The following ZNF711 variants were observed in gnomAD, a reference collection of about 807,000 sequenced individuals.
ZNF711 encodes zinc finger protein 711.
ZNF711 carries 3 observed loss-of-function variants against 43.5 expected under a neutral mutation model. The ratio of observed to expected loss-of-function variants is 0.07; its 90% confidence interval spans 0.03 to 0.18. The LOEUF is 0.18. Ranked by LOEUF, ZNF711 falls within the 10% of genes least tolerant of loss-of-function variation. The pLI, the probability that ZNF711 is intolerant of heterozygous loss-of-function variation, is 1.00. For missense variants in ZNF711, 412 were observed against 604.0 expected (o/e 0.68, Z 3.33); for synonymous variants, 209 against 207.7 (o/e 1.01, Z -0.06).
intron 6 of ZNF711, among the ~76,000 whole-genome samples, chrX:85,264,825 C>G (rs1195479686): frequency 1.8e-5 from 2 of 110,170 alleles, no homozygotes; most frequent in African/African-American, 3.3e-5. Flanking sequence ...CCATAAAATT[C>G]TCATAATAAT....
intron 5 of ZNF711, among the ~76,000 whole-genome samples, chrX:85,260,401 G>A (rs1930530721): frequency 9.0e-6 from 1 of 110,517 alleles, no homozygotes; most frequent in Admixed American, 9.6e-5. Context: ...CTAATTTCAG[G>A]GGTAAAAAAA....
At position 85,268,236 on chromosome X, in the gene ZNF711, CATT is replaced by C. The variant is rs758251661; in HGVS notation, c.1055-55_1055-53del. 71 of 1,067,032 alleles carry C rather than the reference CATT, an allele frequency of 6.7e-5. 1 individual carries two copies. The Middle Eastern group carries it at 9.7e-4, about 15-fold the overall frequency. 87.9% of individuals were successfully genotyped at this position (1,067,032 alleles called of 1,213,427 possible). ...GATTAAGATGTGATCCACTAGTAGT[CATT>C]ATAATTAGCATATCAGTTTGTAATT... On this transcript the variant is annotated intron_variant, in intron 8 of 10. Transcript: ENST00000674551.
chrX:85,254,870 A>G (rs1454219771), intron 4 of ZNF711, among the ~76,000 whole-genome samples: 2 of 110,443 alleles, frequency 1.8e-5, no homozygotes, highest in Non-Finnish European at 3.8e-5. Flanking sequence ...GGCTGCTACT[A>G]TTTTACGTTT....
At chrX:85,257,354 G>C (rs183332926) in intron 5 of ZNF711, among the ~76,000 whole-genome samples, 100 of 110,833 alleles carry the variant, frequency 9.0e-4, no homozygotes, top group Non-Finnish European at 1.6e-3. Context: ...CCCAATGTCT[G>C]TTGTTGCCAT....
chrX:85,254,657 C>CCGGGCGCAGTGG (rs1247275866), intron 4 of ZNF711, among the ~76,000 whole-genome samples: 1 of 56,648 alleles, frequency 1.8e-5, no homozygotes, highest in Non-Finnish European at 3.4e-5. Flanking sequence ...AAAAAATTAG[C>CCGGGCGCAGTGG]CGGGCGCAGT....
chrX:85,268,464 C>G, intron 9 of ZNF711, 123 bp downstream of exon 9: 1 of 772,910 alleles, frequency 1.3e-6, no homozygotes, highest in African/African-American at 2.1e-5. Context: ...CTTAGTCATA[C>G]CTAATCTAGT....
chrX:85,264,168 C>T (rs928306170), intron 5 of ZNF711, 107 bp from the exon 6 acceptor site: 21 of 599,830 alleles, frequency 3.5e-5, no homozygotes, highest in South Asian at 2.6e-4. Context: ...CATTATTTCA[C>T]GTTACACTTC....
rs945429235 is a variant in ZNF711 at position 85,255,179 on chromosome X, A to G, written c.80-80A>G. 4.6e-5 allele frequency: 41 copies of G among 894,985 alleles called. No individual in the cohort carries two copies. In the African/African-American group the frequency reaches 6.0e-4, roughly 13 times the overall value. 73.8% of individuals were successfully genotyped at this position (894,985 alleles called of 1,213,427 possible). ...ATTACTTAATATTTAAGAAATATTT[A>G]TAGCATTTGATTTATTAAATACAGT... On this transcript the variant is annotated intron_variant, in intron 4 of 10. Transcript: ENST00000674551.
Position 85,255,420 on chromosome X carries a change from G to A in ZNF711, c.241G>A (p.Asp81Asn). 1 of 1,211,858 alleles carries A rather than the reference G, an allele frequency of 8.3e-7. No homozygotes were observed. Among genetic ancestry groups the A allele is most frequent in the Non-Finnish European group, 1.1e-6 (1 of 895,585 alleles). ...VHGPDIITET[D>N]VVTEGVIVPE... The stretch of plus-strand genomic sequence containing the variant: ...TGGACCTGATATCATCACAGAGACT[G>A]ATGTAGTAACAGAAGGTGTGATTGT... Residue 81 changes from aspartate (D) to asparagine (N), a missense_variant, in exon 5 of 11, where the codon GAT becomes AAT. By Grantham distance (23) the Asp-to-Asn change is conservative. Around this residue, in one of 4 missense-constraint regions of ZNF711, gnomAD observed 375 missense variants for 514.2 expected, o/e 0.73. Transcript: ENST00000674551.
At chrX:85,267,257 G>C in intron 7 of ZNF711, 21 bp from the exon 8 acceptor site, 1 of 1,093,174 alleles carries the variant, frequency 9.1e-7, no homozygotes, top group Non-Finnish European at 1.2e-6. Flanking sequence ...TTATAAACAA[G>C]CAATTATTTC....
intron 7 of ZNF711, among the ~76,000 whole-genome samples, 183 bp downstream of exon 7, chrX:85,265,438 T>C (rs185718927): frequency 9.0e-6 from 1 of 111,321 alleles, no homozygotes; most frequent in Admixed American, 9.6e-5. Context: ...GTACATGTAT[T>C]GTTCAAATCA....
intron 5 of ZNF711, among the ~76,000 whole-genome samples, chrX:85,256,190 C>G (rs1366513544): frequency 9.1e-6 from 1 of 109,395 alleles, no homozygotes; most frequent in Non-Finnish European, 1.9e-5. Flanking sequence ...TTCTTAGGAA[C>G]TTAAGCAGAA....
At chrX:85,258,683 A>G (rs1359913209) in intron 5 of ZNF711, among the ~76,000 whole-genome samples, 2 of 110,056 alleles carry the variant, frequency 1.8e-5, no homozygotes, top group Admixed American at 9.7e-5. Context: ...TTTTTTTCCT[A>G]TGTTTGTTGA....
chrX:85,264,252 ATAAT>A lies in ZNF711; in HGVS notation c.623-21_623-18del. On this transcript the variant is annotated intron_variant, in intron 5 of 10. Transcript: ENST00000674551. ...TTGTCAATGGTATTTTTTGACTGAA[ATAAT>A]TTTGTTTATATTTTATAGTGGATGA... 1.5e-5 allele frequency: 18 copies of A among 1,166,044 alleles called. No individual in the cohort carries two copies. The highest frequency in any genetic ancestry group is 2.1e-5 in the Non-Finnish European group (18 of 857,765).
At chrX:85,263,743 T>C (rs1930865447) in intron 5 of ZNF711, among the ~76,000 whole-genome samples, 1 of 110,802 alleles carries the variant, frequency 9.0e-6, no homozygotes, top group South Asian at 3.8e-4. Flanking sequence ...AGTGATAGAA[T>C]TTGAAGCCGT....
Position 85,244,123 on chromosome X carries a change from A to AGGCGGCGGC in ZNF711, c.-458_-450dup, listed in dbSNP as rs758475553. 83 of 147,325 alleles carry AGGCGGCGGC rather than the reference A, an allele frequency of 5.6e-4. No individual in the cohort carries two copies. Among genetic ancestry groups the AGGCGGCGGC allele is most frequent in the African/African-American group, 2.4e-3 (71 of 30,088 alleles). 12.1% of individuals were successfully genotyped at this position (147,325 alleles called of 1,213,427 possible). A position where few individuals can be genotyped will look rare whatever the true frequency, so the allele number is the denominator to read the frequency against. On this transcript the variant is annotated 5_prime_UTR_variant, in exon 1 of 11. Transcript: ENST00000674551. ...GGTCACAGTCCGACTGGCGGCACGG[A>AGGCGGCGGC]GGCGGCGGCGGCGGCGGCGGCGGCA...
chrX:85,260,998 TAAA>T (rs1187787810), intron 5 of ZNF711, among the ~76,000 whole-genome samples: 7 of 111,635 alleles, frequency 6.3e-5, no homozygotes, highest in Non-Finnish European at 1.9e-5. Context: ...AAGAAAATGT[TAAA>T]ATCATAAGGA....
rs982808476 is a variant in ZNF711 at position 85,272,614 on chromosome X, A to G, written c.*786A>G. ...TAGCGTTGCAAACAAAATCAGCACT[A>G]TATTTCTTAATGATCTAAAGATTAA... is the stretch of plus-strand genomic sequence containing the variant. On this transcript the variant is annotated 3_prime_UTR_variant, in exon 11 of 11. Coordinates refer to ENST00000674551, the MANE Select transcript of ZNF711 (RefSeq NM_001330574.2). 6 of 112,135 alleles carry G rather than the reference A, an allele frequency of 5.4e-5. No homozygotes were observed. The highest frequency in any genetic ancestry group is 1.6e-4 in the African/African-American group (5 of 30,878). The allele number at this position is 112,135 out of a possible 1,213,427, so 9.2% of individuals were successfully genotyped here.
At position 85,255,278 on chromosome X, in the gene ZNF711, T is replaced by G. The variant is rs1432193016; in HGVS notation, c.99T>G (p.Thr33=). 1.7e-6 allele frequency: 2 copies of G among 1,209,950 alleles called. No individual in the cohort carries two copies. Among genetic ancestry groups the G allele is most frequent in the Non-Finnish European group, 2.2e-6 (2 of 895,024 alleles). Residue 33 remains threonine (T), a synonymous_variant, in exon 5 of 11, where the codon ACT becomes ACG. Transcript: ENST00000674551. ...MQDFVAGMAG[T]AHIDGDHIVV... is the part of the protein sequence containing the mutation. Reference sequence around the variant, plus strand: ...TTATAGTGGCTGGAATGGCTGGTACTGCACATATCGATGGAGACCATATTG... The same window carrying G: ...TTATAGTGGCTGGAATGGCTGGTACGGCACATATCGATGGAGACCATATTG...
Sources: allele counts gnomAD v4.1 joint callset (sites outside exome capture counted in the v4.1 genomes callset), GRCh38; gene constraint gnomAD v4.1.1; regional missense constraint gnomAD v4.1.1; transcripts MANE v1.5; gene names NCBI Gene and HGNC (gene_info 2026-07-23, HGNC 2026-07-21).